The following UNC5D variants were observed in gnomAD, a reference collection of about 807,000 sequenced individuals.
The protein encoded by UNC5D is netrin receptor UNC5D.
A neutral mutation model predicts 105.4 loss-of-function variants in UNC5D; 39 were observed. The ratio of observed to expected loss-of-function variants is 0.37; its 90% CI spans 0.29 to 0.48. The LOEUF is 0.48. Among genes scored for constraint, UNC5D ranks in the 20% least tolerant of loss-of-function variants. The pLI, the probability that UNC5D is intolerant of heterozygous loss-of-function variation, is 0.98. For synonymous variants in UNC5D, 452 were observed against 450.4 expected, an observed-to-expected ratio of 1.00 and a Z score of -0.04; for missense variants, 991 against 1,202.4, an observed-to-expected ratio of 0.82 and a Z score of 2.60.
Position 35,794,260 on chromosome 8 carries a change from C to G in UNC5D, c.*3697C>G, listed in dbSNP as rs753759540. Reference sequence around the variant, plus strand: ...ATATAGCTATCAGATGTATTGAAGGCAAAGTTCTCGCAGAGGTCTCTGTTC... The same window carrying G: ...ATATAGCTATCAGATGTATTGAAGGGAAAGTTCTCGCAGAGGTCTCTGTTC... On this transcript the variant is annotated 3_prime_UTR_variant, in exon 17 of 17. Transcript: ENST00000404895. 2.6e-5 allele frequency: 4 copies of G among 152,122 alleles called. No individual in the cohort carries two copies. Among genetic ancestry groups the G allele is most frequent in the Non-Finnish European group, 4.4e-5 (3 of 68,030 alleles). The allele number at this position is 152,122 out of a possible 1,614,324, so 9.4% of individuals were successfully genotyped here. A position where few individuals can be genotyped will look rare whatever the true frequency, so the allele number is the denominator to read the frequency against.
intron 1 of UNC5D, among the ~76,000 whole-genome samples, chr8:35,385,322 C>T (rs932597288): frequency 2.6e-5 from 4 of 152,102 alleles, no homozygotes; most frequent in Admixed American, 1.3e-4. Flanking sequence ...GCTGCCATTC[C>T]GCACACAAAC....
chr8:35,617,074 C>T (rs924473576), intron 4 of UNC5D, among the ~76,000 whole-genome samples: 3 of 152,096 alleles, frequency 2.0e-5, no homozygotes, highest in Non-Finnish European at 2.9e-5. Flanking sequence ...TTCCATGAAG[C>T]GCACCACACA....
At position 35,766,944 on chromosome 8, in the gene UNC5D, C is replaced by A. The variant is rs763336756; in HGVS notation, c.2356C>A (p.Leu786Met). Residue 786 changes from leucine to methionine, a missense_variant, in exon 15 of 17, where the codon CTG (leucine) becomes ATG (methionine). Transcript: ENST00000404895. Reference protein sequence around the residue: ...SRVWCSNRQPLHCAFSLERYT... With the variant: ...SRVWCSNRQPMHCAFSLERYT... ...CGTGTGGTGCAGTAACCGGCAGCCCCTGCACTGTGCCTTCTCCCTGGAGCG... is the reference window on the plus strand; with the variant it reads ...CGTGTGGTGCAGTAACCGGCAGCCCATGCACTGTGCCTTCTCCCTGGAGCG... 33 of 1,614,078 alleles carry A rather than the reference C, an allele frequency of 2.0e-5. No individual in the cohort carries two copies. The highest frequency in any genetic ancestry group is 2.7e-5 in the Non-Finnish European group (32 of 1,179,972).
At position 35,793,236 on chromosome 8, in the gene UNC5D, C is replaced by A. The variant is rs1405162951; in HGVS notation, c.*2673C>A. On this transcript the variant is annotated 3_prime_UTR_variant, in exon 17 of 17. Coordinates refer to ENST00000404895, the MANE Select transcript of UNC5D (RefSeq NM_080872.4). ...GTTACAATACAATTTCAAAGAGAACCCACATTTGTGAGATTTACAGACCAA... is the reference window on the plus strand; with the variant it reads ...GTTACAATACAATTTCAAAGAGAACACACATTTGTGAGATTTACAGACCAA... 3 of 428,820 alleles carry A rather than the reference C, an allele frequency of 7.0e-6. No individual in the cohort carries two copies. Among genetic ancestry groups the A allele is most frequent in the East Asian group, 7.2e-5 (1 of 13,808 alleles). 26.6% of individuals were successfully genotyped at this position (428,820 alleles called of 1,614,324 possible).
At chr8:35,691,832 G>T (rs1223563149) in intron 7 of UNC5D, among the ~76,000 whole-genome samples, 1 of 152,130 alleles carries the variant, frequency 6.6e-6, no homozygotes, top group Non-Finnish European at 1.5e-5. Flanking sequence ...GGTGAAAATA[G>T]CAGGGTGTTT....
chr8:35,304,844 A>G (rs1273981795), intron 1 of UNC5D, among the ~76,000 whole-genome samples: 1 of 152,146 alleles, frequency 6.6e-6, no homozygotes, highest in Non-Finnish European at 1.5e-5. Flanking sequence ...GCTCTCCCAA[A>G]TAGTTACAGA....
intron 1 of UNC5D, among the ~76,000 whole-genome samples, chr8:35,514,244 T>C (rs1193031194): frequency 6.6e-6 from 1 of 152,204 alleles, no homozygotes; most frequent in African/African-American, 2.4e-5. Flanking sequence ...CCCAGATTGC[T>C]AGTGTGCAAC....
intron 4 of UNC5D, among the ~76,000 whole-genome samples, chr8:35,638,320 C>T (rs1329875479): frequency 6.6e-6 from 1 of 152,112 alleles, no homozygotes; most frequent in Non-Finnish European, 1.5e-5. Flanking sequence ...CTTTTAAATA[C>T]AGTAAGAATT....
chr8:35,342,208 C>T (rs568899575), intron 1 of UNC5D, among the ~76,000 whole-genome samples: 1 of 152,122 alleles, frequency 6.6e-6, no homozygotes, highest in African/African-American at 2.4e-5. Context: ...GATTTTGGAC[C>T]TTTTCCGTGA....
In UNC5D at chr8:35,452,048, C is replaced by A. The variant is rs577432249; in HGVS notation, c.104-97244C>A. ...GTGTTACTTCTTCCTATAGGGGAAGCTTTGTATGAATAAGGCAGTACCATA... is the reference window on the plus strand; with the variant it reads ...GTGTTACTTCTTCCTATAGGGGAAGATTTGTATGAATAAGGCAGTACCATA... On this transcript the variant is annotated intron_variant, in intron 1 of 16. Coordinates refer to ENST00000404895, the MANE Select transcript of UNC5D (RefSeq NM_080872.4). 2.6e-5 allele frequency among the ~76,000 whole-genome samples: 4 copies of A among 152,240 alleles called. No homozygotes were observed. The South Asian group carries it at 8.3e-4, about 32-fold the overall frequency.
intron 4 of UNC5D, among the ~76,000 whole-genome samples, chr8:35,660,097 C>A (rs1332597887): frequency 2.0e-5 from 3 of 152,108 alleles, no homozygotes; most frequent in African/African-American, 7.2e-5. Flanking sequence ...ACCTTTTATC[C>A]CAAATAAAAT....
chr8:35,620,550 G>T (rs143031382), intron 4 of UNC5D, among the ~76,000 whole-genome samples: 1 of 151,548 alleles, frequency 6.6e-6, no homozygotes, highest in African/African-American at 2.4e-5. Context: ...CTTTGCATCT[G>T]CTTTTACCCT....
intron 3 of UNC5D, among the ~76,000 whole-genome samples, chr8:35,569,740 G>C (rs1817595773): frequency 6.6e-6 from 1 of 152,192 alleles, no homozygotes; most frequent in African/African-American, 2.4e-5. Flanking sequence ...TTAAGTTCAT[G>C]TCTGTGCTCC....
At chr8:35,660,365 T>G (rs1342588400) in intron 4 of UNC5D, among the ~76,000 whole-genome samples, 1 of 152,176 alleles carries the variant, frequency 6.6e-6, no homozygotes, top group Non-Finnish European at 1.5e-5. Flanking sequence ...TTCGCAGCTA[T>G]TTTCTTCCTT....
chr8:35,480,795 A>G (rs1467461478), intron 1 of UNC5D, among the ~76,000 whole-genome samples: 1 of 152,240 alleles, frequency 6.6e-6, no homozygotes, highest in Non-Finnish European at 1.5e-5. Flanking sequence ...GTTACTGTTC[A>G]TATGGAATAA....
chr8:35,566,546 A>G (rs1324330330), intron 2 of UNC5D, among the ~76,000 whole-genome samples: 1 of 152,240 alleles, frequency 6.6e-6, no homozygotes, highest in South Asian at 2.1e-4. Flanking sequence ...AACAGAATTG[A>G]ATTGTTAAGA....
At chr8:35,323,206 T>C (rs1471066023) in intron 1 of UNC5D, among the ~76,000 whole-genome samples, 7 of 141,238 alleles carry the variant, frequency 5.0e-5, no homozygotes, top group South Asian at 2.3e-4. Context: ...TTTTTTTTTT[T>C]TCACATGAAT....
intron 1 of UNC5D, among the ~76,000 whole-genome samples, chr8:35,351,798 T>C (rs1347403827): frequency 6.6e-6 from 1 of 152,138 alleles, no homozygotes; most frequent in African/African-American, 2.4e-5. Flanking sequence ...TGATAATAAA[T>C]GCAAGGTAAA....
chr8:35,337,365 G>C (rs927670799), intron 1 of UNC5D, among the ~76,000 whole-genome samples: 4 of 152,202 alleles, frequency 2.6e-5, no homozygotes, highest in African/African-American at 9.6e-5. Flanking sequence ...TTACTTGGCA[G>C]TGTCTTACTT....
Sources: allele counts gnomAD v4.1 joint callset (sites outside exome capture counted in the v4.1 genomes callset), GRCh38; gene constraint gnomAD v4.1.1; transcripts MANE v1.5; gene names NCBI Gene and HGNC (gene_info 2026-07-23, HGNC 2026-07-21).